Variants in EXT2 observed in about 807,000 individuals in gnomAD.
The protein encoded by EXT2 is exostosin-2.
EXT2 carries 53 observed loss-of-function variants against 81.6 expected under a neutral mutation model. The observed-to-expected ratio is 0.65, with a 90% CI of 0.52 to 0.82. The LOEUF (loss-of-function observed/expected upper bound fraction) is 0.82, where lower values mean the gene tolerates loss of function less well. Ranked by LOEUF, EXT2 falls within the 40% of genes least tolerant of loss-of-function variation. EXT2 has a pLI of 0.00. For synonymous variants in EXT2, 320 were observed against 340.0 expected, an observed-to-expected ratio of 0.94 and a Z score of 0.65; for missense variants, 774 against 910.2, an observed-to-expected ratio of 0.85 and a Z score of 1.93.
chr11:44,181,286 T>C (rs1009346431), intron 8 of EXT2, among the ~76,000 whole-genome samples: 1 of 152,200 alleles, frequency 6.6e-6, no homozygotes, highest in Non-Finnish European at 1.5e-5. Flanking sequence ...GTGACCTTTG[T>C]AACCTTTTTT....
chr11:44,159,386 A>T (rs1440415432), intron 7 of EXT2, among the ~76,000 whole-genome samples: 1 of 151,834 alleles, frequency 6.6e-6, no homozygotes, highest in Admixed American at 6.6e-5. Context: ...AGTTACTGTT[A>T]AAATATCCTC....
intron 7 of EXT2, among the ~76,000 whole-genome samples, chr11:44,141,814 G>A (rs565934119): frequency 1.3e-5 from 2 of 152,330 alleles, no homozygotes; most frequent in African/African-American, 2.4e-5. Context: ...TGCAGCCTAT[G>A]TAAGAAATCT....
rs1956076355 is a variant in EXT2, at chr11:44,244,606, C to T, written c.*319C>T. On this transcript the variant is annotated 3_prime_UTR_variant, in exon 14 of 14. Transcript: ENST00000533608. Reference sequence around the variant, plus strand: ...TCCCTTTGTTTTCAGTTCCATGTAACAATCTGGAAGGAAACTTCACGGACA... The same window carrying T: ...TCCCTTTGTTTTCAGTTCCATGTAATAATCTGGAAGGAAACTTCACGGACA... The T allele has an allele frequency of 4.7e-6, 2 of 428,354 alleles. No homozygotes were observed. Among genetic ancestry groups the T allele is most frequent in the Admixed American group, 7.0e-5 (2 of 28,394 alleles). 26.5% of individuals were successfully genotyped at this position (428,354 alleles called of 1,614,324 possible). A position where few individuals can be genotyped will look rare whatever the true frequency, so the allele number is the denominator to read the frequency against.
intron 4 of EXT2, among the ~76,000 whole-genome samples, chr11:44,118,087 C>T (rs562057634): frequency 1.3e-5 from 2 of 152,282 alleles, no homozygotes; most frequent in East Asian, 3.9e-4. Context: ...TATGCAACTA[C>T]AAAACTGAAA....
intron 8 of EXT2, among the ~76,000 whole-genome samples, chr11:44,184,636 A>T (rs1026420531): frequency 6.6e-6 from 1 of 152,164 alleles, no homozygotes; most frequent in African/African-American, 2.4e-5. Context: ...CTGTGGTCCT[A>T]GCTACTCGGG....
intron 9 of EXT2, among the ~76,000 whole-genome samples, chr11:44,202,209 C>T (rs377440821): frequency 6.6e-6 from 1 of 152,204 alleles, no homozygotes; most frequent in Admixed American, 6.5e-5. Flanking sequence ...ACTTCCCCTT[C>T]AAAGACTTTA....
intron 6 of EXT2, among the ~76,000 whole-genome samples, chr11:44,128,179 C>A (rs1954437284): frequency 6.6e-6 from 1 of 152,076 alleles, no homozygotes; most frequent in Admixed American, 6.6e-5. Context: ...TGATTGGAAA[C>A]CCTCTTGTGA....
Position 44,132,810 on chromosome 11 carries a change from G to T in EXT2, c.1173+2672G>T, listed in dbSNP as rs575630122. On this transcript the variant is annotated intron_variant, in intron 7 of 13. Transcript: ENST00000533608. Reference sequence around the variant, plus strand: ...CGGCCTCTTTCCCTGTGCTGCTTTCGGACCATCTAAAGCTCTCCACTGCGG... The same window carrying T: ...CGGCCTCTTTCCCTGTGCTGCTTTCTGACCATCTAAAGCTCTCCACTGCGG... 1.1e-4 allele frequency among the ~76,000 whole-genome samples: 16 copies of T among 152,062 alleles called. No homozygotes were observed. In the South Asian group the frequency reaches 2.7e-3, roughly 26 times the overall value.
At chr11:44,212,026 C>T (rs959442794) in intron 10 of EXT2, among the ~76,000 whole-genome samples, 1 of 152,086 alleles carries the variant, frequency 6.6e-6, no homozygotes, top group African/African-American at 2.4e-5. Flanking sequence ...TGGCTCACAC[C>T]TGTAATCCCA....
chr11:44,127,006 C>G (rs747460923), intron 6 of EXT2, 51 bp downstream of exon 6: 4 of 1,600,804 alleles, frequency 2.5e-6, no homozygotes, highest in Non-Finnish European at 3.4e-6. Context: ...GCGTATATTA[C>G]AAATAAAATC....
chr11:44,152,157 C>T (rs1400221311), intron 7 of EXT2, among the ~76,000 whole-genome samples: 1 of 152,146 alleles, frequency 6.6e-6, no homozygotes, highest in East Asian at 1.9e-4. Context: ...TTTCTCCCAG[C>T]CTGTGGCTTA....
At chr11:44,190,525 A>G (rs553385496) in intron 8 of EXT2, among the ~76,000 whole-genome samples, 5 of 152,170 alleles carry the variant, frequency 3.3e-5, no homozygotes, top group Non-Finnish European at 4.4e-5. Context: ...TAAATCAGAT[A>G]TAGGTTGACT....
At chr11:44,146,722 A>AGTTTT (rs1458160278) in intron 7 of EXT2, among the ~76,000 whole-genome samples, 9 of 152,170 alleles carry the variant, frequency 5.9e-5, no homozygotes, top group African/African-American at 2.2e-4. Context: ...ATAAATGCTC[A>AGTTTT]GTTTTGTTTT....
intron 3 of EXT2, among the ~76,000 whole-genome samples, chr11:44,111,049 G>C (rs1332296922): frequency 6.6e-6 from 1 of 152,196 alleles, no homozygotes; most frequent in Non-Finnish European, 1.5e-5. Context: ...TACAGGAGCT[G>C]CATGTCAGAT....
At chr11:44,116,548 G>A (rs1192721039) in intron 4 of EXT2, 2 of 152,166 alleles carry the variant, frequency 1.3e-5, no homozygotes, top group East Asian at 1.9e-4. Context: ...TGGGTCATAC[G>A]GTAGCTCTAT....
intron 4 of EXT2, among the ~76,000 whole-genome samples, chr11:44,119,752 G>A (rs1285798355): frequency 6.6e-6 from 1 of 152,222 alleles, no homozygotes; most frequent in East Asian, 1.9e-4. Flanking sequence ...ACTCAGGCCT[G>A]CTATGTTAAT....
chr11:44,168,249 T>G (rs1955023103), intron 7 of EXT2, among the ~76,000 whole-genome samples: 1 of 151,992 alleles, frequency 6.6e-6, no homozygotes, highest in African/African-American at 2.4e-5. Context: ...GAAAAAGGGC[T>G]AGAAGATTAT....
chr11:44,161,860 T>G (rs1382006220), intron 7 of EXT2, among the ~76,000 whole-genome samples: 1 of 152,168 alleles, frequency 6.6e-6, no homozygotes, highest in Non-Finnish European at 1.5e-5. Context: ...ATAACCTCAA[T>G]CTAATAAGTA....
rs781583981 is a variant in EXT2, at chr11:44,108,257, C to T, written c.536+9C>T. The T allele has an allele frequency of 6.2e-7, 1 of 1,610,518 alleles. No individual in the cohort carries two copies. The highest frequency in any genetic ancestry group is 1.1e-5 in the South Asian group (1 of 91,054). On this transcript the variant is annotated intron_variant, in intron 2 of 13. Coordinates refer to ENST00000533608, the MANE Select transcript of EXT2 (RefSeq NM_207122.2). ...ATGGCCCAGCTCTCTAGGTATCTCA[C>T]ACTCATACAGCCCAGCCCCCAGGAG...
Sources: allele counts gnomAD v4.1 joint callset (sites outside exome capture counted in the v4.1 genomes callset), GRCh38; gene constraint gnomAD v4.1.1; transcripts MANE v1.5; gene names NCBI Gene and HGNC (gene_info 2026-07-23, HGNC 2026-07-21).